Variants in GRIP1 observed in about 807,000 individuals in gnomAD.
GRIP1 encodes the protein glutamate receptor interacting protein 1.
A neutral mutation model predicts 129.9 loss-of-function variants in GRIP1; 45 were observed. That is an observed-to-expected ratio of 0.35 (90% CI 0.27 to 0.44). The LOEUF is 0.44. Ranked by LOEUF, GRIP1 falls within the 20% of genes least tolerant of loss-of-function variation. GRIP1 has a pLI of 1.00. For missense variants in GRIP1, 1,196 were observed against 1,396.8 expected (o/e 0.86, Z 2.29); for synonymous variants, 530 against 520.8 (o/e 1.02, Z -0.24).
intron 1 of GRIP1, among the ~76,000 whole-genome samples, chr12:66,911,738 G>A (rs1200558226): frequency 1.3e-5 from 2 of 151,852 alleles, no homozygotes; most frequent in African/African-American, 4.8e-5. Flanking sequence ...AAATATAGAG[G>A]GTGTCCAAAA....
intron 1 of GRIP1, among the ~76,000 whole-genome samples, chr12:66,937,980 T>C (rs1234842324): frequency 6.6e-6 from 1 of 152,236 alleles, no homozygotes; most frequent in African/African-American, 2.4e-5. Flanking sequence ...CTAGTCTGAA[T>C]TGAAACATAT....
At chr12:67,017,099 T>C (rs896388153) in intron 1 of GRIP1, among the ~76,000 whole-genome samples, 1 of 152,226 alleles carries the variant, frequency 6.6e-6, no homozygotes, top group East Asian at 1.9e-4. Context: ...ATCTGCTTTC[T>C]AGGAATTTAC....
chr12:66,759,858 AT>A (rs60298525), intron 1 of GRIP1, among the ~76,000 whole-genome samples: 74,352 of 144,496 alleles, frequency 0.51, 18,940 homozygotes, highest in East Asian at 0.65. Flanking sequence ...TACTATCAAC[AT>A]TTTTTTTTTT....
At chr12:66,829,810 C>T (rs1185576520) in intron 1 of GRIP1, among the ~76,000 whole-genome samples, 1 of 152,094 alleles carries the variant, frequency 6.6e-6, no homozygotes, top group Non-Finnish European at 1.5e-5. Context: ...AATAAGTCAC[C>T]CTAAGTTCAC....
chr12:67,062,886 T>A (rs1460213372), intron 1 of GRIP1, among the ~76,000 whole-genome samples: 1 of 152,206 alleles, frequency 6.6e-6, no homozygotes, highest in African/African-American at 2.4e-5. Context: ...TTAGACTTTT[T>A]AAAAATGTTT....
intron 7 of GRIP1, among the ~76,000 whole-genome samples, chr12:66,489,695 T>C (rs995444613): frequency 2.0e-5 from 3 of 152,218 alleles, no homozygotes; most frequent in African/African-American, 7.2e-5. Flanking sequence ...GCAGATGATA[T>C]GATGCTGCAT....
chr12:66,970,777 T>C (rs1191105083), intron 1 of GRIP1, among the ~76,000 whole-genome samples: 1 of 152,196 alleles, frequency 6.6e-6, no homozygotes, highest in Non-Finnish European at 1.5e-5. Context: ...CCTTTACAAA[T>C]GTTTCTTAAC....
rs963496731 is a variant in GRIP1, at chr12:66,634,039, C to A, written c.56-37112G>T. ...CGACTTCAAGAATGGTCTATCTTTG[C>A]ATTTTCTTTGTGTGTTGTGTTATAC... On this transcript the variant is annotated intron_variant, in intron 1 of 24. Coordinates refer to ENST00000359742, the MANE Select transcript of GRIP1 (RefSeq NM_001366722.1). 5.9e-5 allele frequency among the ~76,000 whole-genome samples: 9 copies of A among 152,178 alleles called. No individual in the cohort carries two copies. The East Asian group carries it at 1.7e-3, about 29-fold the overall frequency.
intron 1 of GRIP1, among the ~76,000 whole-genome samples, chr12:66,650,499 G>A (rs2032715057): frequency 6.6e-6 from 1 of 152,172 alleles, no homozygotes; most frequent in African/African-American, 2.4e-5. Context: ...AATATAGTCA[G>A]TAAGATGAGT....
chr12:66,638,824 TA>T (rs1347972817), intron 1 of GRIP1, among the ~76,000 whole-genome samples: 8 of 152,126 alleles, frequency 5.3e-5, no homozygotes, highest in Non-Finnish European at 1.0e-4. Context: ...GTGCATATGA[TA>T]TAGTGCTGGC....
At chr12:66,711,206 A>G (rs2035701826) in intron 1 of GRIP1, among the ~76,000 whole-genome samples, 1 of 151,890 alleles carries the variant, frequency 6.6e-6, no homozygotes. Flanking sequence ...TCTACTTAAT[A>G]ACAAAATAAT....
intron 1 of GRIP1, among the ~76,000 whole-genome samples, chr12:66,671,339 C>A (rs986753258): frequency 1.3e-5 from 2 of 152,160 alleles, no homozygotes; most frequent in Non-Finnish European, 2.9e-5. Context: ...CCATCTGTCT[C>A]GTGGTCTCAC....
intron 1 of GRIP1, among the ~76,000 whole-genome samples, chr12:67,025,297 C>T (rs7980587): frequency 0.17 from 26,141 of 152,024 alleles, 2,700 homozygotes; most frequent in African/African-American, 0.28. Flanking sequence ...GCTGAGATCA[C>T]GCCACTGCAC....
intron 1 of GRIP1, among the ~76,000 whole-genome samples, chr12:67,021,786 A>C (rs2042870625): frequency 6.6e-6 from 1 of 152,022 alleles, no homozygotes; most frequent in Non-Finnish European, 1.5e-5. Context: ...TCCTTCAACC[A>C]ATCTCTCCCT....
chr12:66,938,742 A>T (rs1315401876), intron 1 of GRIP1, among the ~76,000 whole-genome samples: 1 of 152,110 alleles, frequency 6.6e-6, no homozygotes, highest in Non-Finnish European at 1.5e-5. Flanking sequence ...GCAGATCACC[A>T]GGTCAGGAGA....
chr12:66,788,398 C>T (rs934304327), intron 1 of GRIP1, among the ~76,000 whole-genome samples: 1 of 151,802 alleles, frequency 6.6e-6, no homozygotes, highest in East Asian at 1.9e-4. Flanking sequence ...AGGCAGTATT[C>T]GGATGGCCCA....
Position 66,444,641 on chromosome 12 carries a change from G to A in GRIP1, c.1630C>T (p.Leu544Phe). ...DSTFEEASQL[L>F]RDSSITSKVT... Reference sequence around the variant, plus strand: ...TTGCTCGTGATTGAAGAGTCTCGGAGGAGCTGACTGGCTTCTTCGAAGGTG... The same window carrying A: ...TTGCTCGTGATTGAAGAGTCTCGGAAGAGCTGACTGGCTTCTTCGAAGGTG... Residue 544 changes from leucine (L) to phenylalanine (F), a missense_variant, in exon 13 of 25, where the codon CTC (leucine) becomes TTC (phenylalanine). Transcript: ENST00000359742. 1.2e-6 allele frequency: 2 copies of A among 1,614,138 alleles called. No individual in the cohort carries two copies. The highest frequency in any genetic ancestry group is 1.7e-6 in the Non-Finnish European group (2 of 1,180,012).
chr12:66,382,359 TAAATAAATAAAC>T (rs1403187381), intron 19 of GRIP1, among the ~76,000 whole-genome samples: 2 of 151,978 alleles, frequency 1.3e-5, no homozygotes, highest in African/African-American at 4.8e-5. Flanking sequence ...GTCTCAAAAA[TAAATAAATAAAC>T]AAATAAATAA....
chr12:66,811,476 T>G (rs1209656256), intron 1 of GRIP1, among the ~76,000 whole-genome samples: 1 of 150,760 alleles, frequency 6.6e-6, no homozygotes, highest in East Asian at 1.9e-4. Flanking sequence ...CTAATTATAG[T>G]GTCTTTTAAG....
Sources: allele counts gnomAD v4.1 joint callset (sites outside exome capture counted in the v4.1 genomes callset), GRCh38; gene constraint gnomAD v4.1.1; transcripts MANE v1.5; gene names NCBI Gene and HGNC (gene_info 2026-07-23, HGNC 2026-07-21).